The following GNAQ variants were observed in gnomAD, a reference collection of about 807,000 sequenced individuals.
GNAQ encodes the protein guanine nucleotide-binding protein G(q) subunit alpha.
In GNAQ, 8 loss-of-function variants were observed where a neutral mutation model predicts 43.9. That is an observed-to-expected ratio of 0.18 (90% CI 0.11 to 0.33). The LOEUF is 0.33. Among genes scored for constraint, GNAQ ranks in the 10% least tolerant of loss-of-function variants. GNAQ has a pLI of 1.00. For missense variants in GNAQ, 158 were observed against 450.8 expected (o/e 0.35, Z 5.88); for synonymous variants, 155 against 170.7 (o/e 0.91, Z 0.71).
chr9:77,746,108 A>T (rs141037814), intron 5 of GNAQ, among the ~76,000 whole-genome samples: 103 of 152,330 alleles, frequency 6.8e-4, no homozygotes, highest in African/African-American at 2.4e-3. Flanking sequence ...TTTCAGAATG[A>T]TTTATATCTG....
Position 78,031,149 on chromosome 9 carries a change from G to C in GNAQ, c.87C>G (p.Leu29=). The C allele has an allele frequency of 6.5e-7, 1 of 1,548,794 alleles. No individual in the cohort carries two copies. ...GGCGGGCGTCCCGCTTGTCCCTGCGGAGCTGCCGCTCGATCTCGTCGTTGA... is the reference window on the plus strand; with the variant it reads ...GGCGGGCGTCCCGCTTGTCCCTGCGCAGCTGCCGCTCGATCTCGTCGTTGA... ...RRINDEIERQ[L]RRDKRDARRE... is the part of the protein sequence containing the mutation. Residue 29 remains leucine, a synonymous_variant, in exon 1 of 7, where the codon CTC becomes CTG. Coordinates refer to ENST00000286548, the MANE Select transcript of GNAQ (RefSeq NM_002072.5).
chr9:77,928,305 A>G (rs1407798157), intron 1 of GNAQ, among the ~76,000 whole-genome samples: 1 of 152,194 alleles, frequency 6.6e-6, no homozygotes, highest in Non-Finnish European at 1.5e-5. Flanking sequence ...CAAGAGTTGA[A>G]TACAATTAAC....
intron 2 of GNAQ, among the ~76,000 whole-genome samples, chr9:77,876,232 G>A (rs575786650): frequency 1.4e-4 from 21 of 152,204 alleles, no homozygotes; most frequent in South Asian, 6.2e-4. Flanking sequence ...TAGATTTCCC[G>A]GAGGAGCTGT....
chr9:77,887,151 G>C (rs893480451), intron 2 of GNAQ, among the ~76,000 whole-genome samples: 2 of 135,636 alleles, frequency 1.5e-5, no homozygotes, highest in Admixed American at 1.4e-4. Context: ...ATAAAATAAA[G>C]TAAAATAAAA....
chr9:77,838,794 A>AATAT (rs983974862), intron 2 of GNAQ, among the ~76,000 whole-genome samples: 2 of 151,828 alleles, frequency 1.3e-5, no homozygotes, highest in African/African-American at 4.8e-5. Flanking sequence ...TGTACAATTT[A>AATAT]ATATATATAT....
At chr9:77,971,637 A>G (rs953347887) in intron 1 of GNAQ, among the ~76,000 whole-genome samples, 5 of 152,268 alleles carry the variant, frequency 3.3e-5, no homozygotes, top group Admixed American at 6.5e-5. Flanking sequence ...TCTCAAAATA[A>G]TAAGAGCTAT....
chr9:77,757,349 C>T (rs904445746), intron 5 of GNAQ, among the ~76,000 whole-genome samples: 3 of 152,122 alleles, frequency 2.0e-5, no homozygotes, highest in African/African-American at 4.8e-5. Context: ...AGCCTCATAT[C>T]TACCCTTCAC....
At chr9:77,755,766 T>G (rs2118309248) in intron 5 of GNAQ, among the ~76,000 whole-genome samples, 1 of 152,324 alleles carries the variant, frequency 6.6e-6, no homozygotes, top group Middle Eastern at 3.4e-3. Flanking sequence ...AATTATGACC[T>G]TATTATTGTC....
intron 1 of GNAQ, among the ~76,000 whole-genome samples, chr9:78,021,066 T>C (rs1004839733): frequency 6.6e-6 from 1 of 150,726 alleles, no homozygotes; most frequent in African/African-American, 2.4e-5. Context: ...TTTTTTTTTT[T>C]TGAGACAAGG....
At chr9:77,807,032 T>C (rs149847403) in intron 3 of GNAQ, among the ~76,000 whole-genome samples, 2 of 152,300 alleles carry the variant, frequency 1.3e-5, no homozygotes, top group Non-Finnish European at 2.9e-5. Context: ...TCTGTGAGAT[T>C]AGAACTTTCA....
At chr9:77,743,619 A>C (rs1825687183) in intron 5 of GNAQ, among the ~76,000 whole-genome samples, 1 of 152,068 alleles carries the variant, frequency 6.6e-6, no homozygotes, top group Admixed American at 6.6e-5. Context: ...GCTGACATTC[A>C]GTTTATGGCT....
rs11145605 is a variant in GNAQ at position 77,886,268 on chromosome 9, C to T, written c.321+35893G>A. 5.8e-3 allele frequency among the ~76,000 whole-genome samples: 883 copies of T among 152,080 alleles called. 8 individuals carry two copies. The highest frequency in any genetic ancestry group is 0.02 in the African/African-American group (828 of 41,472). On this transcript the variant is annotated intron_variant, in intron 2 of 6. Coordinates refer to ENST00000286548, the MANE Select transcript of GNAQ (RefSeq NM_002072.5). ...GGTTACAGGTGTGAGCCACCACGCC[C>T]GGTCACAGCCATTTTTTAATTTGTA...
intron 1 of GNAQ, among the ~76,000 whole-genome samples, chr9:77,928,203 C>T (rs186124601): frequency 1.2e-4 from 18 of 152,328 alleles, no homozygotes; most frequent in Admixed American, 3.9e-4. Context: ...ACATTTTCCT[C>T]TACTTAGATT....
At chr9:77,885,888 A>G (rs1828296694) in intron 2 of GNAQ, among the ~76,000 whole-genome samples, 1 of 152,244 alleles carries the variant, frequency 6.6e-6, no homozygotes, top group Non-Finnish European at 1.5e-5. Flanking sequence ...TATAAAAATA[A>G]AAGCCTTCCC....
intron 2 of GNAQ, 56 bp downstream of exon 2, chr9:77,922,105 T>G: frequency 8.1e-7 from 1 of 1,233,126 alleles, no homozygotes; most frequent in Non-Finnish European, 1.2e-6. Context: ...TGTTGTCACA[T>G]TATTGTGAAC....
At chr9:78,005,463 G>C (rs1307435846) in intron 1 of GNAQ, among the ~76,000 whole-genome samples, 1 of 152,202 alleles carries the variant, frequency 6.6e-6, no homozygotes, top group Non-Finnish European at 1.5e-5. Flanking sequence ...AGTTTGCCTT[G>C]CCTCATGTGA....
chr9:77,724,508 A>G (rs1825367291), intron 6 of GNAQ, among the ~76,000 whole-genome samples: 1 of 152,082 alleles, frequency 6.6e-6, no homozygotes, highest in South Asian at 2.1e-4. Context: ...GTTTTTTTCT[A>G]TCATCAATAT....
intron 2 of GNAQ, among the ~76,000 whole-genome samples, chr9:77,897,810 C>T (rs1196714138): frequency 6.6e-6 from 1 of 152,120 alleles, no homozygotes; most frequent in Non-Finnish European, 1.5e-5. Flanking sequence ...GGCACTGGGA[C>T]TTCCCCTGCC....
intron 1 of GNAQ, among the ~76,000 whole-genome samples, chr9:77,982,114 T>C (rs1448641773): frequency 1.3e-5 from 2 of 152,216 alleles, no homozygotes; most frequent in African/African-American, 4.8e-5. Context: ...AGAAAGATTA[T>C]ACAACCTATG....
Sources: gnomAD v4.1 joint callset for allele counts (sites outside exome capture counted in the v4.1 genomes callset) on GRCh38, gnomAD v4.1.1 for gene constraint, MANE v1.5 for transcripts, NCBI Gene and HGNC (gene_info 2026-07-23, HGNC 2026-07-21) for gene names.